ZNG1A: variants seen among roughly 807,000 people sequenced by gnomAD.
ZNG1A encodes the protein zinc-regulated GTPase metalloprotein activator 1A.
At chr9:135,152 T>A in the ZNG1A span, 16 of 1,507,220 alleles carry the variant, frequency 1.1e-5, no homozygotes, top group Non-Finnish European at 1.3e-5. Context: ...TATTCTGTAA[T>A]TGCAATTTTA....
At chr9:160,168 T>C in the ZNG1A span, 12 of 454,516 alleles carry the variant, frequency 2.6e-5, no homozygotes, top group Non-Finnish European at 4.8e-5. Context: ...ATATTTCACA[T>C]CAATGGGTGA....
the ZNG1A span, chr9:172,178 G>A: frequency 1.2e-6 from 2 of 1,610,542 alleles, no homozygotes; most frequent in Non-Finnish European, 1.7e-6. Context: ...TGTCCCTGGA[G>A]AATACCAAAA....
chr9:140,885 G>C, the ZNG1A span, among the ~76,000 whole-genome samples: 1 of 126,764 alleles, frequency 7.9e-6, no homozygotes, highest in East Asian at 2.8e-4. Context: ...CGAGAACTAC[G>C]TGAAGAATGC....
the ZNG1A span, among the ~76,000 whole-genome samples, chr9:165,108 C>A: frequency 2.5e-3 from 387 of 152,292 alleles, 2 homozygotes; most frequent in African/African-American, 8.8e-3. Context: ...TAACTTAGAA[C>A]TGGAGCGTGT....
the ZNG1A span, among the ~76,000 whole-genome samples, chr9:164,894 A>G: frequency 1.8e-4 from 27 of 152,210 alleles, no homozygotes; most frequent in African/African-American, 6.3e-4. Context: ...GGTGTCAACA[A>G]TGAAATACCT....
the ZNG1A span, among the ~76,000 whole-genome samples, chr9:177,385 A>G: frequency 7.2e-5 from 11 of 151,940 alleles, no homozygotes; most frequent in Non-Finnish European, 1.5e-4. Context: ...AGTATTCCAA[A>G]TGGTTGGGAT....
At chr9:121,448 A>G in the ZNG1A span, 5 of 1,607,698 alleles carry the variant, frequency 3.1e-6, no homozygotes, top group Non-Finnish European at 2.5e-6. Flanking sequence ...AATCCTTTTG[A>G]TAAGAAATGC....
the ZNG1A span, chr9:146,809 T>A: frequency 2.1e-5 from 3 of 139,984 alleles, no homozygotes; most frequent in Non-Finnish European, 4.6e-5. Flanking sequence ...AGCATTAGGT[T>A]TGGTTTAAAT....
At chr9:143,689 G>A in the ZNG1A span, among the ~76,000 whole-genome samples, 1 of 123,366 alleles carries the variant, frequency 8.1e-6, no homozygotes, top group African/African-American at 3.5e-5. Flanking sequence ...TGGAAGTTCT[G>A]GCCAGGGCAA....
chr9:146,178 C>T, the ZNG1A span: 1,159 of 1,581,452 alleles, frequency 7.3e-4, 11 homozygotes, highest in African/African-American at 0.011. Context: ...AGAAAACTAA[C>T]GTGAGCAGTT....
the ZNG1A span, among the ~76,000 whole-genome samples, chr9:135,810 G>A: frequency 4.4e-5 from 5 of 112,542 alleles, no homozygotes; most frequent in South Asian, 7.6e-4. Flanking sequence ...TCTCTTTGGG[G>A]GGTCCTAGTA....
chr9:155,720 T>G, the ZNG1A span, among the ~76,000 whole-genome samples: 1 of 152,148 alleles, frequency 6.6e-6, no homozygotes, highest in African/African-American at 2.4e-5. Context: ...CAACAGTATG[T>G]ACATCACAAA....
the ZNG1A span, among the ~76,000 whole-genome samples, chr9:155,923 T>G: frequency 2.0e-5 from 3 of 148,544 alleles, no homozygotes; most frequent in Admixed American, 2.0e-4. Flanking sequence ...CTGGCCAACA[T>G]GGTGAAACCC....
the ZNG1A span, chr9:146,831 A>T: frequency 1.4e-5 from 2 of 147,972 alleles, no homozygotes; most frequent in Admixed American, 1.4e-4. Context: ...TAAAAAAGCA[A>T]ATTTATAAAG....
At chr9:158,799 T>A in the ZNG1A span, among the ~76,000 whole-genome samples, 1 of 151,894 alleles carries the variant, frequency 6.6e-6, no homozygotes, top group African/African-American at 2.4e-5. Context: ...GCAGAAGAGA[T>A]AAATGTCCTC....
chr9:175,587 C>T, the ZNG1A span: 1 of 1,144,554 alleles, frequency 8.7e-7, no homozygotes, highest in Non-Finnish European at 1.3e-6. Context: ...AAGCTATCCA[C>T]ATCAATACAA....
chr9:142,827 A>C, the ZNG1A span, among the ~76,000 whole-genome samples: 1 of 127,212 alleles, frequency 7.9e-6, no homozygotes, highest in Non-Finnish European at 1.6e-5. Flanking sequence ...AGAGAGAAGA[A>C]TCAAATAGAC....
chr9:124,360 AT>A, the ZNG1A span, among the ~76,000 whole-genome samples: 1 of 151,590 alleles, frequency 6.6e-6, no homozygotes, highest in East Asian at 1.9e-4. Flanking sequence ...CTCAAAATGA[AT>A]TTAAAAAGGT....
the ZNG1A span, chr9:145,963 A>G: frequency 1.6e-6 from 1 of 616,722 alleles, no homozygotes; most frequent in Non-Finnish European, 2.7e-6. Flanking sequence ...CCAAGAATAT[A>G]CCTCATTAAG....
Sources: gnomAD v4.1 joint callset for allele counts (sites outside exome capture counted in the v4.1 genomes callset) on GRCh38, gnomAD v4.1.1 for gene constraint, MANE v1.5 for transcripts, NCBI Gene and HGNC (gene_info 2026-07-23, HGNC 2026-07-21) for gene names.